Variants in SLC6A5 observed in about 807,000 individuals in gnomAD.
The protein encoded by SLC6A5 is solute carrier family 6 member 5, also known as sodium- and chloride-dependent glycine transporter 2.
In SLC6A5, 58 loss-of-function variants were observed where a neutral mutation model predicts 90.5. The observed-to-expected ratio is 0.64, with a 90% CI of 0.52 to 0.80. The LOEUF (loss-of-function observed/expected upper bound fraction) is 0.80, where lower values mean the gene tolerates loss of function less well. SLC6A5 is among the 30% of genes least tolerant of loss of function. The pLI is 0.00. For missense variants in SLC6A5, 1,015 were observed against 1,017.6 expected, an observed-to-expected ratio of 1.00 and a Z score of 0.03; for synonymous variants, 427 against 401.4, an observed-to-expected ratio of 1.06 and a Z score of -0.76.
At chr11:20,615,944 C>T (rs1235647550) in intron 6 of SLC6A5, among the ~76,000 whole-genome samples, 1 of 152,156 alleles carries the variant, frequency 6.6e-6, no homozygotes, top group Admixed American at 6.5e-5. Context: ...GATGCCAGAG[C>T]TTCTATTTTA....
At chr11:20,607,969 G>A (rs921981566) in intron 5 of SLC6A5, among the ~76,000 whole-genome samples, 1 of 152,180 alleles carries the variant, frequency 6.6e-6, no homozygotes, top group Non-Finnish European at 1.5e-5. Context: ...ACAAGTCGTT[G>A]TAGAATTTTA....
At chr11:20,629,760 C>T (rs765919899) in intron 9 of SLC6A5, among the ~76,000 whole-genome samples, 19 of 134,450 alleles carry the variant, frequency 1.4e-4, no homozygotes, top group Admixed American at 3.1e-4. Context: ...GATGGAGTTT[C>T]GCTCTTGTTG....
chr11:20,618,588 G>A (rs902318856), intron 7 of SLC6A5, among the ~76,000 whole-genome samples: 9 of 152,122 alleles, frequency 5.9e-5, no homozygotes, highest in Non-Finnish European at 1.2e-4. Context: ...AGGCCACAGT[G>A]GGCATTGTTG....
At chr11:20,646,759 C>G (rs1338487961) in intron 13 of SLC6A5, 75 bp from the exon 14 acceptor site, 1 of 1,000,680 alleles carries the variant, frequency 1.0e-6, no homozygotes, top group Non-Finnish European at 1.6e-6. Flanking sequence ...GTGAGGGGCT[C>G]TAGTGCCTGC....
At chr11:20,625,535 T>G (rs1852976866) in intron 7 of SLC6A5, among the ~76,000 whole-genome samples, 1 of 152,202 alleles carries the variant, frequency 6.6e-6, no homozygotes, top group Non-Finnish European at 1.5e-5. Flanking sequence ...TTGTTGGGAT[T>G]ACAGGCATAA....
At chr11:20,634,262 C>CT (rs1221959064) in intron 10 of SLC6A5, among the ~76,000 whole-genome samples, 4 of 152,202 alleles carry the variant, frequency 2.6e-5, no homozygotes, top group Non-Finnish European at 5.9e-5. Context: ...AGAACTTGGC[C>CT]TTCATCAGAC....
intron 10 of SLC6A5, among the ~76,000 whole-genome samples, chr11:20,635,253 A>AT (rs894598992): frequency 6.6e-6 from 1 of 152,108 alleles, no homozygotes; most frequent in African/African-American, 2.4e-5. Flanking sequence ...TTTTGTCCCC[A>AT]TTTTACAGAT....
chr11:20,648,231 T>A (rs1274999800), intron 14 of SLC6A5, among the ~76,000 whole-genome samples: 4 of 152,216 alleles, frequency 2.6e-5, no homozygotes, highest in Non-Finnish European at 5.9e-5. Flanking sequence ...CCAGTTTCCC[T>A]AAAGGCAACC....
chr11:20,629,396 G>C (rs1289338599), intron 9 of SLC6A5, among the ~76,000 whole-genome samples: 1 of 152,124 alleles, frequency 6.6e-6, no homozygotes, highest in Non-Finnish European at 1.5e-5. Context: ...CTGTTCTGAT[G>C]AACAGATTTA....
intron 13 of SLC6A5, among the ~76,000 whole-genome samples, chr11:20,645,026 T>C (rs985065590): frequency 1.3e-5 from 2 of 151,962 alleles, no homozygotes; most frequent in African/African-American, 4.8e-5. Context: ...TTGGCCAGGC[T>C]GATCTCGAAC....
intron 5 of SLC6A5, among the ~76,000 whole-genome samples, chr11:20,612,537 A>C (rs1026550777): frequency 1.3e-5 from 2 of 152,190 alleles, no homozygotes; most frequent in Admixed American, 6.5e-5. Flanking sequence ...TTTATTTTAG[A>C]GAAAGGGTCT....
In SLC6A5 at chr11:20,614,816, T is replaced by G. The variant is rs781617910; in HGVS notation, c.1123T>G (p.Phe375Val). ...ATTTGTCAGTGGAAGTGAAGAGTAC[T>G]TCAAGTAAGATGACTTTCTTTTTCC... is the stretch of plus-strand genomic sequence containing the variant. The part of the protein sequence containing the change: ...KTFVSGSEEY[F>V]KYFVLKISAG... Residue 375 changes from phenylalanine to valine, a missense_variant, in exon 6 of 16, where the codon TTC becomes GTC. Transcript: ENST00000525748. The G allele has an allele frequency of 6.2e-7, 1 of 1,613,166 alleles. No individual in the cohort carries two copies. Among genetic ancestry groups the G allele is most frequent in the Middle Eastern group, 1.7e-4 (1 of 6,060 alleles).
At chr11:20,618,808 G>T (rs886633800) in intron 7 of SLC6A5, among the ~76,000 whole-genome samples, 5 of 151,988 alleles carry the variant, frequency 3.3e-5, no homozygotes, top group African/African-American at 1.2e-4. Flanking sequence ...ATGGTGGGGG[G>T]CACCTGTAGT....
intron 10 of SLC6A5, among the ~76,000 whole-genome samples, chr11:20,634,686 T>C (rs1590173684): frequency 6.6e-6 from 1 of 152,214 alleles, no homozygotes; most frequent in Admixed American, 6.5e-5. Flanking sequence ...CTACAGTCTG[T>C]TCAATAAATG....
intron 13 of SLC6A5, among the ~76,000 whole-genome samples, chr11:20,645,123 A>C (rs1374112771): frequency 6.6e-6 from 1 of 152,016 alleles, no homozygotes; most frequent in Admixed American, 6.6e-5. Context: ...CAGCGGGTCC[A>C]TTTTTTAAGG....
At chr11:20,635,780 C>G (rs12793854) in intron 10 of SLC6A5, among the ~76,000 whole-genome samples, 1 of 152,132 alleles carries the variant, frequency 6.6e-6, no homozygotes, top group African/African-American at 2.4e-5. Context: ...GCAAGAAGCT[C>G]TCTTGTGCAT....
intron 9 of SLC6A5, among the ~76,000 whole-genome samples, chr11:20,628,976 A>G (rs1486447857): frequency 6.6e-6 from 1 of 152,120 alleles, no homozygotes; most frequent in Non-Finnish European, 1.5e-5. Context: ...GTATCATCTC[A>G]TTCTCTCCTG....
Position 20,607,488 on chromosome 11 carries a change from T to C in SLC6A5, c.821T>C (p.Ile274Thr), listed in dbSNP as rs768243813. 1 of 1,614,112 alleles carries C rather than the reference T, an allele frequency of 6.2e-7. No individual in the cohort carries two copies. The highest frequency in any genetic ancestry group is 8.5e-7 in the Non-Finnish European group (1 of 1,180,042). ...ATTTTTGCTTCTGCAGGCTGTGGCA[T>C]CGCGATGCTGATCATCTCTGTCCTA... Reference protein sequence around the residue: ...KAIPALQGCGIAMLIISVLIA... With the variant: ...KAIPALQGCGTAMLIISVLIA... Residue 274 changes from isoleucine (I) to threonine (T), a missense_variant, in exon 5 of 16, where the codon ATC becomes ACC. Physicochemically the swap from Ile to Thr is moderately conservative, Grantham distance 89 (BLOSUM62 -1). This residue lies in a region of SLC6A5 where 567 missense variants were observed against 507.3 expected (regional missense o/e 1.12). Transcript: ENST00000525748.
intron 9 of SLC6A5, among the ~76,000 whole-genome samples, chr11:20,630,219 C>T (rs1198470030): frequency 3.3e-5 from 5 of 152,170 alleles, no homozygotes; most frequent in Admixed American, 3.3e-4. Flanking sequence ...CTCTCTGTTT[C>T]AAAGATGGCA....
Sources: gnomAD v4.1 joint callset for allele counts (sites outside exome capture counted in the v4.1 genomes callset) on GRCh38, gnomAD v4.1.1 for gene constraint, gnomAD v4.1.1 regional missense constraint, MANE v1.5 for transcripts, NCBI Gene and HGNC (gene_info 2026-07-23, HGNC 2026-07-21) for gene names.